AGTPBP1: variants seen among roughly 807,000 people sequenced by gnomAD.
AGTPBP1 encodes the protein cytosolic carboxypeptidase 1.
Under a neutral mutation model 143.9 loss-of-function variants are expected in AGTPBP1, and 70 were observed. The observed-to-expected ratio is 0.49, with a 90% CI of 0.40 to 0.59. AGTPBP1 has a LOEUF of 0.59. Among genes scored for constraint, AGTPBP1 ranks in the 20% least tolerant of loss-of-function variants. The probability of loss-of-function intolerance (pLI) is 0.00; values close to 1 mark genes in which losing one functional copy is unlikely to be tolerated. For synonymous variants in AGTPBP1, 463 were observed against 500.2 expected (o/e 0.93, Z 0.99); for missense variants, 1,229 against 1,464.5 (o/e 0.84, Z 2.62).
At chr9:85,651,530 T>C (rs942387868) in intron 11 of AGTPBP1, among the ~76,000 whole-genome samples, 7 of 152,214 alleles carry the variant, frequency 4.6e-5, no homozygotes, top group South Asian at 4.1e-4. Flanking sequence ...TAGTATTATA[T>C]AGTTAACAGA....
chr9:85,641,832 G>A (rs1313211768), intron 13 of AGTPBP1, among the ~76,000 whole-genome samples: 2 of 151,860 alleles, frequency 1.3e-5, no homozygotes, highest in Non-Finnish European at 2.9e-5. Context: ...CCGAGTAGCT[G>A]CAACTACAGG....
chr9:85,622,733 A>C (rs901438013), intron 14 of AGTPBP1, among the ~76,000 whole-genome samples: 6 of 152,222 alleles, frequency 3.9e-5, no homozygotes, highest in African/African-American at 1.4e-4. Flanking sequence ...ATTATAAAGA[A>C]ACAAGCTTTT....
At chr9:85,696,046 T>G (rs1836217910) in intron 2 of AGTPBP1, among the ~76,000 whole-genome samples, 1 of 152,124 alleles carries the variant, frequency 6.6e-6, no homozygotes, top group African/African-American at 2.4e-5. Context: ...TTCACCACGT[T>G]GGTCAGGCTG....
At chr9:85,646,516 C>T (rs1256554868) in intron 11 of AGTPBP1, 98 bp from the exon 12 acceptor site, 3 of 836,392 alleles carry the variant, frequency 3.6e-6, no homozygotes, top group Non-Finnish European at 5.7e-6. Context: ...ATTTCAATCA[C>T]CAGAGAAAAA....
At chr9:85,678,486 A>G in intron 4 of AGTPBP1, 88 bp from the exon 5 acceptor site, 1 of 754,418 alleles carries the variant, frequency 1.3e-6, no homozygotes, top group Non-Finnish European at 2.1e-6. Flanking sequence ...ATATTTTACA[A>G]ATGACCTTTC....
chr9:85,757,844 G>A, the AGTPBP1 span, among the ~76,000 whole-genome samples: 1,312 of 152,258 alleles, frequency 8.6e-3, 23 homozygotes, highest in African/African-American at 0.03. Flanking sequence ...TTCTCACTCT[G>A]GGACCGATTT....
intron 1 of AGTPBP1, among the ~76,000 whole-genome samples, chr9:85,728,025 T>TTATATA (rs1183079145): frequency 1.0e-4 from 8 of 80,358 alleles, no homozygotes; most frequent in African/African-American, 4.2e-4. Context: ...AAATATATAT[T>TTATATA]TATATACACA....
chr9:85,643,121 T>C (rs756190863), intron 12 of AGTPBP1, 178 bp from the exon 13 acceptor site: 23 of 560,374 alleles, frequency 4.1e-5, no homozygotes, highest in Non-Finnish European at 6.2e-5. Context: ...TTGGGGTTGT[T>C]GTGTTATTGT....
At chr9:85,575,984 C>T (rs1055873254) in intron 24 of AGTPBP1, among the ~76,000 whole-genome samples, 6 of 152,086 alleles carry the variant, frequency 3.9e-5, no homozygotes, top group African/African-American at 1.4e-4. Flanking sequence ...AAAAAAGAAT[C>T]AAATCTAAGC....
intron 17 of AGTPBP1, among the ~76,000 whole-genome samples, chr9:85,610,362 T>C (rs1413728357): frequency 6.6e-6 from 1 of 152,126 alleles, no homozygotes; most frequent in Non-Finnish European, 1.5e-5. Flanking sequence ...GTGACACACA[T>C]TCTCAAATTC....
chr9:85,696,441 GCAGATCGCT>G (rs879700034), intron 2 of AGTPBP1, among the ~76,000 whole-genome samples: 44 of 152,158 alleles, frequency 2.9e-4, no homozygotes, highest in Non-Finnish European at 6.0e-4. Context: ...GCTGAGGTGG[GCAGATCGCT>G]TGAGGTCGAG....
In AGTPBP1 at chr9:85,642,896, T is replaced by A. The variant is rs143779850; in HGVS notation, c.1233A>T (p.Glu411Asp). ...TTAGATCTTCTATTGTTCGTCCCGG[T>A]TCTTGCTGGGGTTTTAGTTTGTTAA... is the stretch of plus-strand genomic sequence containing the variant. ...TDINKLKPQQ[E>D]PGRTIEDLKM... Residue 411 changes from glutamate to aspartate, a missense_variant, in exon 13 of 26, where the codon GAA becomes GAT. Coordinates refer to ENST00000357081, the MANE Select transcript of AGTPBP1 (RefSeq NM_001330701.2). 525 of 1,613,664 alleles carry A rather than the reference T, an allele frequency of 3.3e-4. 3 individuals are homozygous for A. The East Asian group carries it at 9.0e-3, about 28-fold the overall frequency.
chr9:85,556,304 C>A (rs1440014902), intron 25 of AGTPBP1, among the ~76,000 whole-genome samples: 1 of 151,836 alleles, frequency 6.6e-6, no homozygotes, highest in African/African-American at 2.4e-5. Context: ...AACCAAATAT[C>A]CATGTTATCA....
At chr9:85,605,872 C>T (rs1047223557) in intron 17 of AGTPBP1, among the ~76,000 whole-genome samples, 2 of 151,726 alleles carry the variant, frequency 1.3e-5, no homozygotes, top group Non-Finnish European at 2.9e-5. Context: ...GCAAGCCTCA[C>T]AGTAATCTCA....
chr9:85,681,475 C>T, intron 3 of AGTPBP1, 140 bp from the exon 4 acceptor site: 1 of 650,594 alleles, frequency 1.5e-6, no homozygotes, highest in South Asian at 2.0e-5. Flanking sequence ...ACGTTCTTCC[C>T]TCTGATGTTG....
intron 8 of AGTPBP1, among the ~76,000 whole-genome samples, chr9:85,667,896 C>T (rs1224300083): frequency 7.4e-6 from 1 of 135,016 alleles, no homozygotes; most frequent in Non-Finnish European, 1.5e-5. Flanking sequence ...AACAAGCAAG[C>T]CAACTGTAAA....
intron 11 of AGTPBP1, 120 bp from the exon 12 acceptor site, chr9:85,646,538 T>A: frequency 4.2e-6 from 3 of 715,892 alleles, no homozygotes; most frequent in Non-Finnish European, 7.0e-6. Flanking sequence ...TAAATGAGAT[T>A]TCTTATTTAA....
At chr9:85,571,381 AC>A (rs1020011513) in intron 25 of AGTPBP1, among the ~76,000 whole-genome samples, 4 of 152,362 alleles carry the variant, frequency 2.6e-5, no homozygotes, top group East Asian at 3.9e-4. Context: ...ATATAAAAAA[AC>A]ATAACAGAAG....
chr9:85,655,880 T>C (rs1048778129), intron 10 of AGTPBP1, among the ~76,000 whole-genome samples: 9 of 152,208 alleles, frequency 5.9e-5, no homozygotes, highest in African/African-American at 2.2e-4. Context: ...CAGGCTGGAG[T>C]GAAGTAGAGC....
Sources: allele counts gnomAD v4.1 joint callset (sites outside exome capture counted in the v4.1 genomes callset), GRCh38; gene constraint gnomAD v4.1.1; transcripts MANE v1.5; gene names NCBI Gene and HGNC (gene_info 2026-07-23, HGNC 2026-07-21).